Variants in RBL2 observed in about 807,000 individuals in gnomAD.
RBL2 encodes the protein RB transcriptional corepressor like 2.
RBL2 carries 56 observed loss-of-function variants against 126.0 expected under a neutral mutation model. The observed-to-expected ratio is 0.44, with a 90% CI of 0.36 to 0.56. The LOEUF is 0.56. RBL2 is among the 20% of genes least tolerant of loss of function. RBL2 has a pLI of 0.00. For missense variants in RBL2, 1,229 were observed against 1,398.2 expected, an observed-to-expected ratio of 0.88 and a Z score of 1.93; for synonymous variants, 454 against 478.5, an observed-to-expected ratio of 0.95 and a Z score of 0.67.
intron 11 of RBL2, among the ~76,000 whole-genome samples, chr16:53,463,093 G>T (rs573741640): frequency 6.6e-6 from 1 of 152,262 alleles, no homozygotes; most frequent in East Asian, 1.9e-4. Context: ...CGCATGCCTT[G>T]GCCTCCCAAA....
At chr16:53,455,058 T>C (rs1183842404) in intron 8 of RBL2, among the ~76,000 whole-genome samples, 7 of 152,188 alleles carry the variant, frequency 4.6e-5, no homozygotes, top group Admixed American at 1.3e-4. Flanking sequence ...AAAAAGAAAT[T>C]AATATAAATT....
At chr16:53,472,148 T>C (rs1960546456) in intron 17 of RBL2, among the ~76,000 whole-genome samples, 1 of 152,220 alleles carries the variant, frequency 6.6e-6, no homozygotes, top group African/African-American at 2.4e-5. Context: ...GCACAATTTT[T>C]TTCTCCACTC....
At chr16:53,459,677 A>G (rs1427635995) in intron 9 of RBL2, 60 bp downstream of exon 9, 4 of 1,425,060 alleles carry the variant, frequency 2.8e-6, no homozygotes, top group Middle Eastern at 3.8e-4. Flanking sequence ...CCAATTTCCT[A>G]TTCTTTCATT....
intron 21 of RBL2, among the ~76,000 whole-genome samples, chr16:53,487,322 A>G (rs907620262): frequency 6.6e-6 from 1 of 152,264 alleles, no homozygotes; most frequent in Non-Finnish European, 1.5e-5. Context: ...TAATCAAGAC[A>G]GTAGTGTTGG....
intron 17 of RBL2, among the ~76,000 whole-genome samples, chr16:53,477,690 T>C (rs1960784078): frequency 6.6e-6 from 1 of 152,172 alleles, no homozygotes; most frequent in Admixed American, 6.5e-5. Context: ...AGTTGCCATC[T>C]GGAGTAATTT....
intron 18 of RBL2, 31 bp from the exon 19 acceptor site, chr16:53,479,855 T>A (rs1960872922): frequency 6.8e-7 from 1 of 1,466,714 alleles, no homozygotes; most frequent in Admixed American, 1.9e-5. Context: ...CAAATACTAG[T>A]TTATGTCCCC....
At position 53,435,877 on chromosome 16, in the gene RBL2, T is replaced by C. The variant is rs903016988; in HGVS notation, c.240+1081T>C. ...GAATTGTTAGGTCTGCAGAAGATAG[T>C]GTATGGTGGCTTTAGAACCCGACAG... On this transcript the variant is annotated intron_variant, in intron 1 of 21. Coordinates refer to ENST00000262133, the MANE Select transcript of RBL2 (RefSeq NM_005611.4). The C allele has an allele frequency of 6.6e-6, 6 of 905,602 alleles. No individual in the cohort carries two copies. The East Asian group carries it at 3.8e-4, about 57-fold the overall frequency. The allele number at this position is 905,602 out of a possible 1,614,324, so 56.1% of individuals were successfully genotyped here.
intron 12 of RBL2, among the ~76,000 whole-genome samples, 160 bp from the exon 13 acceptor site, chr16:53,465,278 T>C (rs2058261819): frequency 6.6e-6 from 1 of 152,252 alleles, no homozygotes; most frequent in Non-Finnish European, 1.5e-5. Context: ...AACCATTTTA[T>C]ATAATTCATA....
intron 4 of RBL2, among the ~76,000 whole-genome samples, chr16:53,450,241 A>G (rs2153140586): frequency 6.6e-6 from 1 of 152,128 alleles, no homozygotes; most frequent in South Asian, 2.1e-4. Flanking sequence ...GATTTGTTGA[A>G]TGTTTCCATC....
intron 8 of RBL2, among the ~76,000 whole-genome samples, chr16:53,458,883 C>T (rs2058193258): frequency 6.6e-6 from 1 of 152,192 alleles, no homozygotes; most frequent in Non-Finnish European, 1.5e-5. Flanking sequence ...CTGGGTGCCT[C>T]ACACAGCACA....
At chr16:53,440,892 G>A (rs1393502101) in intron 2 of RBL2, among the ~76,000 whole-genome samples, 1 of 149,042 alleles carries the variant, frequency 6.7e-6, no homozygotes, top group Non-Finnish European at 1.5e-5. Flanking sequence ...TTGAAGTCTG[G>A]TATACCAAGT....
intron 21 of RBL2, among the ~76,000 whole-genome samples, chr16:53,485,004 TAA>T (rs11295682): frequency 1.4e-5 from 2 of 145,434 alleles, no homozygotes; most frequent in Non-Finnish European, 3.0e-5. Flanking sequence ...TAACCCTAAA[TAA>T]AAAAAAAAAA....
chr16:53,444,843 G>A (rs191737719), intron 3 of RBL2, among the ~76,000 whole-genome samples: 152 of 152,196 alleles, frequency 1.0e-3, no homozygotes, highest in African/African-American at 2.5e-3. Context: ...GTGAGACTTC[G>A]TCTCCAAATA....
chr16:53,442,871 G>A lies in RBL2; in HGVS notation c.572+13G>A. The A allele has an allele frequency of 1.9e-6, 3 of 1,597,026 alleles. No homozygotes were observed. The highest frequency in any genetic ancestry group is 2.6e-6 in the Non-Finnish European group (3 of 1,167,074). On this transcript the variant is annotated intron_variant, in intron 3 of 21. Coordinates refer to ENST00000262133, the MANE Select transcript of RBL2 (RefSeq NM_005611.4). ...GAAGGAAACAGCGGTAGGTTTTCTT[G>A]TTGGTTCATCAGGAATACACGTTAG...
intron 1 of RBL2, among the ~76,000 whole-genome samples, chr16:53,435,012 G>T (rs1236273986): frequency 6.6e-6 from 1 of 152,212 alleles, no homozygotes. Flanking sequence ...TGGGGAACGC[G>T]TCTTGCCCTA....
chr16:53,436,179 T>G (rs903026319), intron 1 of RBL2, among the ~76,000 whole-genome samples: 20 of 150,028 alleles, frequency 1.3e-4, no homozygotes, highest in Middle Eastern at 3.4e-3. Context: ...GTTTTTTGGG[T>G]TTTTTTTTGG....
intron 1 of RBL2, among the ~76,000 whole-genome samples, chr16:53,435,107 T>A (rs1039417803): frequency 2.0e-5 from 3 of 152,016 alleles, no homozygotes; most frequent in Non-Finnish European, 4.4e-5. Flanking sequence ...CCGCCCGCCT[T>A]GTTAGTAGAA....
At position 53,462,580 on chromosome 16, in the gene RBL2, G is replaced by A. The variant is rs778617422; in HGVS notation, c.1485G>A (p.Ala495=). Residue 495 remains alanine (A), a synonymous_variant, in exon 11 of 22, where the codon GCG becomes GCA. Transcript: ENST00000262133. ...KEIASKHFRF[A]EMLYYKVLES... ...TTGCCAGCAAACATTTTCGTTTTGC[G>A]GAGATGCTTTACTATAAAGTATTAG... 3.9e-5 allele frequency: 61 copies of A among 1,557,788 alleles called. No individual in the cohort carries two copies. The East Asian group carries it at 4.7e-4, about 12-fold the overall frequency.
At chr16:53,485,214 A>G (rs1050819640) in intron 21 of RBL2, among the ~76,000 whole-genome samples, 1 of 152,218 alleles carries the variant, frequency 6.6e-6, no homozygotes, top group African/African-American at 2.4e-5. Flanking sequence ...AAGGGTTGAA[A>G]TACTGTGTTT....
Sources: allele counts gnomAD v4.1 joint callset (sites outside exome capture counted in the v4.1 genomes callset), GRCh38; gene constraint gnomAD v4.1.1; transcripts MANE v1.5; gene names NCBI Gene and HGNC (gene_info 2026-07-23, HGNC 2026-07-21).